The following ANO1 variants were observed in gnomAD, a reference collection of about 807,000 sequenced individuals.
The protein encoded by ANO1 is anoctamin-1.
ANO1 carries 59 observed loss-of-function variants against 124.0 expected under a neutral mutation model. The observed-to-expected ratio is 0.48, with a 90% confidence interval of 0.39 to 0.59. The LOEUF (loss-of-function observed/expected upper bound fraction) is 0.59. Ranked by LOEUF, ANO1 falls within the 20% of genes least tolerant of loss-of-function variation. The pLI is 0.00. For synonymous variants in ANO1, 529 were observed against 532.0 expected, an observed-to-expected ratio of 0.99 and a Z score of 0.08; for missense variants, 1,059 against 1,328.0, an observed-to-expected ratio of 0.80 and a Z score of 3.15.
chr11:70,032,453 G>A (rs1256751206), intron 1 of ANO1, among the ~76,000 whole-genome samples: 5 of 152,094 alleles, frequency 3.3e-5, no homozygotes, highest in African/African-American at 4.8e-5. Context: ...GATTCTGTCT[G>A]GAGAGGACTC....
At chr11:70,038,820 A>G (rs1555004738) in intron 1 of ANO1, among the ~76,000 whole-genome samples, 1 of 152,172 alleles carries the variant, frequency 6.6e-6, no homozygotes, top group Non-Finnish European at 1.5e-5. Context: ...TACTTCCTTG[A>G]TGGTCAGTTC....
intron 1 of ANO1, among the ~76,000 whole-genome samples, chr11:70,000,770 G>T (rs981247012): frequency 1.2e-4 from 18 of 152,064 alleles, no homozygotes; most frequent in Non-Finnish European, 2.5e-4. Flanking sequence ...TCCACACTCA[G>T]ACACTAGGAT....
chr11:70,108,122 C>A, intron 5 of ANO1: 1 of 477,340 alleles, frequency 2.1e-6, no homozygotes, highest in Non-Finnish European at 3.8e-6. Flanking sequence ...AAGATGGGAA[C>A]TGCAGGTGCA....
chr11:69,987,380 A>G (rs1554996979), intron 1 of ANO1, among the ~76,000 whole-genome samples: 2 of 152,150 alleles, frequency 1.3e-5, no homozygotes, highest in Non-Finnish European at 2.9e-5. Flanking sequence ...TGCTTCACAC[A>G]TTTATCCTCA....
At chr11:70,012,243 C>A (rs782496668) in intron 1 of ANO1, among the ~76,000 whole-genome samples, 1 of 151,622 alleles carries the variant, frequency 6.6e-6, no homozygotes, top group African/African-American at 2.4e-5. Flanking sequence ...TTCACACATT[C>A]ATCCATCCAT....
chr11:70,136,524 G>A (rs1015668861), intron 11 of ANO1, among the ~76,000 whole-genome samples: 1 of 119,824 alleles, frequency 8.3e-6, no homozygotes, highest in African/African-American at 2.5e-5. Context: ...GCTTCTGCCT[G>A]GAGTTTGTTA....
At chr11:70,185,540 C>T (rs748370505) in intron 24 of ANO1, 50 bp from the exon 25 acceptor site, 58 of 1,557,036 alleles carry the variant, frequency 3.7e-5, no homozygotes, top group Non-Finnish European at 5.1e-5. Flanking sequence ...CCAGCCAGAG[C>T]CTGAGCCCCA....
chr11:70,040,498 G>T (rs984144832), intron 1 of ANO1, among the ~76,000 whole-genome samples: 4 of 152,156 alleles, frequency 2.6e-5, no homozygotes, highest in African/African-American at 4.8e-5. Context: ...CCAACATAGT[G>T]AAACCCGTCA....
chr11:70,070,198 G>A (rs541096639), intron 1 of ANO1, among the ~76,000 whole-genome samples: 9 of 152,158 alleles, frequency 5.9e-5, no homozygotes, highest in East Asian at 1.9e-4. Flanking sequence ...TGTGGCTCAC[G>A]TCATTTTCAG....
At chr11:70,009,089 TCATCTGGAGA>T (rs1401854950) in intron 1 of ANO1, among the ~76,000 whole-genome samples, 1 of 152,216 alleles carries the variant, frequency 6.6e-6, no homozygotes, top group Non-Finnish European at 1.5e-5. Context: ...GCATTCCTGG[TCATCTGGAGA>T]CAATGGAGTG....
At chr11:70,186,488 G>T (rs1322840318) in intron 25 of ANO1, among the ~76,000 whole-genome samples, 3 of 152,136 alleles carry the variant, frequency 2.0e-5, no homozygotes, top group Non-Finnish European at 2.9e-5. Flanking sequence ...AGACAGGAGG[G>T]CAGTGGGCTG....
chr11:70,165,159 C>T (rs977647561), intron 19 of ANO1, among the ~76,000 whole-genome samples: 2 of 152,180 alleles, frequency 1.3e-5, no homozygotes, highest in Non-Finnish European at 2.9e-5. Flanking sequence ...CTTGCCTCTC[C>T]ACCCTCTGCC....
intron 1 of ANO1, among the ~76,000 whole-genome samples, chr11:70,053,451 C>G (rs1476767687): frequency 6.6e-6 from 1 of 152,066 alleles, no homozygotes; most frequent in Non-Finnish European, 1.5e-5. Context: ...TTCTTATACA[C>G]AGGTGTTAAA....
chr11:70,006,841 T>C (rs1555000169), intron 1 of ANO1, among the ~76,000 whole-genome samples: 1 of 151,812 alleles, frequency 6.6e-6, no homozygotes, highest in African/African-American at 2.4e-5. Flanking sequence ...GGCTAATTTT[T>C]CTATTTTTAG....
chr11:70,105,015 T>TA (rs1011928963), intron 4 of ANO1, among the ~76,000 whole-genome samples: 8 of 151,940 alleles, frequency 5.3e-5, no homozygotes, highest in Admixed American at 5.2e-4. Flanking sequence ...AGCCCAGCCC[T>TA]CTCCTCCAGA....
At chr11:70,003,573 T>C (rs1421029161) in intron 1 of ANO1, among the ~76,000 whole-genome samples, 1 of 127,554 alleles carries the variant, frequency 7.8e-6, no homozygotes, top group African/African-American at 3.0e-5. Context: ...TGGGGCTTAA[T>C]AAATTGTTGG....
intron 1 of ANO1, among the ~76,000 whole-genome samples, chr11:70,047,937 G>C (rs1857286955): frequency 6.6e-6 from 1 of 152,206 alleles, no homozygotes; most frequent in South Asian, 2.1e-4. Flanking sequence ...TGTGGAATGA[G>C]AATGTTTTAA....
chr11:70,035,316 C>T (rs1030803142), intron 1 of ANO1, among the ~76,000 whole-genome samples: 2 of 152,152 alleles, frequency 1.3e-5, no homozygotes, highest in Non-Finnish European at 2.9e-5. Flanking sequence ...AGCAGCTGAG[C>T]GTGTGGAGAG....
intron 1 of ANO1, among the ~76,000 whole-genome samples, chr11:70,002,076 AT>A (rs1460466920): frequency 2.6e-5 from 4 of 152,114 alleles, no homozygotes; most frequent in Admixed American, 2.6e-4. Context: ...GATGGCCTCA[AT>A]CTGTGCTATT....
Sources: gnomAD v4.1 joint callset for allele counts (sites outside exome capture counted in the v4.1 genomes callset) on GRCh38, gnomAD v4.1.1 for gene constraint, MANE v1.5 for transcripts, NCBI Gene and HGNC (gene_info 2026-07-23, HGNC 2026-07-21) for gene names.